Variants in GNAS observed in about 807,000 individuals in gnomAD.
The protein encoded by GNAS is protein ALEX.
A neutral mutation model predicts 54.5 loss-of-function variants in GNAS; 8 were observed. The observed-to-expected ratio is 0.15, with a 90% CI of 0.09 to 0.26. The LOEUF (loss-of-function observed/expected upper bound fraction) is 0.26, where lower values mean the gene tolerates loss of function less well. Among genes scored for constraint, GNAS ranks in the 10% least tolerant of loss-of-function variants. The probability of loss-of-function intolerance (pLI) is 1.00; values close to 1 mark genes in which losing one functional copy is unlikely to be tolerated. For missense variants in GNAS, 170 were observed against 529.8 expected (o/e 0.32, Z 6.67); for synonymous variants, 204 against 191.4 (o/e 1.07, Z -0.54).
chr20:58,900,234 G>A (rs568323617), intron 3 of GNAS: 12 of 522,650 alleles, frequency 2.3e-5, no homozygotes, highest in African/African-American at 1.7e-4. Context: ...ACCAAAAGTT[G>A]GCATTTGAGC....
In GNAS at chr20:58,856,781, G is replaced by C. The variant is rs1208888321; in HGVS notation, c.43+15895G>C. On this transcript the variant is annotated intron_variant, in intron 1 of 12. Transcript: ENST00000306090. The surrounding 1 kb of genome is among the most constrained non-coding windows in gnomAD (Gnocchi z 4.2). ...ATTCTTGTCAGGAGGGTATTTTGGTGGCCTTCTACCTTCCCCCTCCTCCTC... is the reference window on the plus strand; with the variant it reads ...ATTCTTGTCAGGAGGGTATTTTGGTCGCCTTCTACCTTCCCCCTCCTCCTC... 1 of 151,930 alleles carries C rather than the reference G, an allele frequency of 6.6e-6. No homozygotes were observed. The highest frequency in any genetic ancestry group is 2.4e-5 in the African/African-American group (1 of 41,294). The allele number at this position is 151,930 out of a possible 1,614,324, so 9.4% of individuals were successfully genotyped here. A position where few individuals can be genotyped will look rare whatever the true frequency, so the allele number is the denominator to read the frequency against.
intron 3 of GNAS, among the ~76,000 whole-genome samples, chr20:58,901,902 C>G (rs1201487174): frequency 6.9e-6 from 1 of 143,970 alleles, no homozygotes; most frequent in Non-Finnish European, 1.5e-5. Flanking sequence ...TCTGCTCTTG[C>G]TAATTAACCT....
At chr20:58,893,465 T>C (rs185415178) in intron 1 of GNAS, among the ~76,000 whole-genome samples, 1 of 152,236 alleles carries the variant, frequency 6.6e-6, no homozygotes, top group Non-Finnish European at 1.5e-5. Flanking sequence ...CGTGGTCACA[T>C]TTCAACAAAA....
At chr20:58,889,086 G>C, upstream of GNAS, 1 of 1,040,412 alleles carries the variant, frequency 9.6e-7, no homozygotes, top group Non-Finnish European at 1.2e-6. Context: ...CTTCCCCTTC[G>C]GTTTATAGGG....
At chr20:58,847,973 C>T (rs557967402) in intron 1 of GNAS, among the ~76,000 whole-genome samples, 41 of 152,332 alleles carry the variant, frequency 2.7e-4, no homozygotes, top group Admixed American at 7.8e-4. Flanking sequence ...GCATCACGTG[C>T]GGCTTCCAAG....
chr20:58,850,707 A>G (rs2086125130), intron 1 of GNAS: 1 of 398,808 alleles, frequency 2.5e-6, no homozygotes, highest in Non-Finnish European at 4.4e-6. Context: ...GCCTGCCGCC[A>G]TCAACACACC....
rs949416642 is a variant in GNAS at position 58,853,113 on chromosome 20, C to T, written c.43+12227C>T. 6 of 1,426,354 alleles carry T rather than the reference C, an allele frequency of 4.2e-6. No homozygotes were observed. In the African/African-American group the frequency reaches 5.8e-5, roughly 14 times the overall value. The allele number at this position is 1,426,354 out of a possible 1,614,324, so 88.4% of individuals were successfully genotyped here. On this transcript the variant is annotated intron_variant, in intron 1 of 12. Coordinates refer to the GNAS transcript ENST00000306090. This position sits in a 1 kb window ranked among gnomAD's most constrained non-coding sequence, Gnocchi z 4.4. ...TAGGGTTCCTTCCAGGCCTTGAACCCCCCAACCTCACAAGGGTTGGAAAGT... is the reference window on the plus strand; with the variant it reads ...TAGGGTTCCTTCCAGGCCTTGAACCTCCCAACCTCACAAGGGTTGGAAAGT...
chr20:58,884,695 T>C (rs777918811), intron 1 of GNAS: 1 of 152,258 alleles, frequency 6.6e-6, no homozygotes, highest in Non-Finnish European at 1.5e-5. Context: ...TTAGTCCTCA[T>C]GAAAATTTTT....
intron 6 of GNAS, among the ~76,000 whole-genome samples, chr20:58,907,995 G>A (rs2091197005): frequency 6.6e-6 from 1 of 152,218 alleles, no homozygotes; most frequent in African/African-American, 2.4e-5. Flanking sequence ...ATGGTAACAT[G>A]CTGGAGGCCA....
chr20:58,851,601 C>T (rs1384502376), intron 1 of GNAS, among the ~76,000 whole-genome samples: 1 of 152,226 alleles, frequency 6.6e-6, no homozygotes, highest in Non-Finnish European at 1.5e-5. Flanking sequence ...GACCCCAGAC[C>T]AGAGCATAGC....
At chr20:58,895,540 C>T (rs1337217864) in intron 1 of GNAS, 72 bp from the exon 2 acceptor site, 15 of 910,400 alleles carry the variant, frequency 1.6e-5, no homozygotes, top group Admixed American at 3.5e-5. Context: ...AACAAAACAA[C>T]AACAGCAGAC....
At chr20:58,906,238 A>T (rs1203837940) in intron 6 of GNAS, among the ~76,000 whole-genome samples, 1 of 152,230 alleles carries the variant, frequency 6.6e-6, no homozygotes, top group Non-Finnish European at 1.5e-5. Context: ...AAAGTCACTC[A>T]TAAAGGTGGG....
At chr20:58,877,752 C>A (rs892257481) in intron 1 of GNAS, among the ~76,000 whole-genome samples, 2 of 152,246 alleles carry the variant, frequency 1.3e-5, no homozygotes, top group Non-Finnish European at 2.9e-5. Context: ...ACTGACTTCC[C>A]ACCTCCCGGC....
At chr20:58,900,793 A>T (rs1400229924) in intron 3 of GNAS, among the ~76,000 whole-genome samples, 1 of 152,192 alleles carries the variant, frequency 6.6e-6, no homozygotes, top group Admixed American at 6.5e-5. Flanking sequence ...CCCCAGTATA[A>T]TATCTCCATC....
chr20:58,841,562 G>A lies in GNAS; in HGVS notation c.43+676G>A, dbSNP rs1391596593. 4.0e-6 allele frequency: 4 copies of A among 999,172 alleles called. No individual in the cohort carries two copies. Among genetic ancestry groups the A allele is most frequent in the East Asian group, 2.1e-4 (2 of 9,678 alleles). 61.9% of individuals were successfully genotyped at this position (999,172 alleles called of 1,614,324 possible). ...GCGCCAGCCTTGGCCGCCACAGCCC[G>A]CCTCCCGTCGCTCGCGGGACAGAGA... On this transcript the variant is annotated intron_variant, in intron 1 of 12. Coordinates refer to the GNAS transcript ENST00000306090. The surrounding 1 kb of genome is among the most constrained non-coding windows in gnomAD (Gnocchi z 5.0).
At chr20:58,894,350 G>T (rs551954345) in intron 1 of GNAS, among the ~76,000 whole-genome samples, 1 of 152,246 alleles carries the variant, frequency 6.6e-6, no homozygotes, top group South Asian at 2.1e-4. Context: ...TAATTTACCA[G>T]AGTTAGGCTC....
intron 1 of GNAS, among the ~76,000 whole-genome samples, chr20:58,871,637 CA>C (rs56281960): frequency 6.8e-5 from 4 of 58,596 alleles, no homozygotes; most frequent in Admixed American, 2.3e-4. Context: ...AAACAAACAA[CA>C]AAAAAAAAAC....
At chr20:58,840,555 C>A (rs1277175163), upstream of GNAS, 9 of 1,613,144 alleles carry the variant, frequency 5.6e-6, no homozygotes, top group Non-Finnish European at 7.6e-6. The surrounding 1 kb of genome is among the most constrained non-coding windows in gnomAD (Gnocchi z 6.0). Flanking sequence ...CCGGTGGTGC[C>A]CAAGCACTCC....
At position 58,910,293 on chromosome 20, in the gene GNAS, G is replaced by A. The variant is rs1383488917; in HGVS notation, c.971-41G>A. The A allele has an allele frequency of 2.0e-6, 3 of 1,490,220 alleles. No individual in the cohort carries two copies. Among genetic ancestry groups the A allele is most frequent in the South Asian group, 2.3e-5 (2 of 88,584 alleles). The allele number at this position is 1,490,220 out of a possible 1,614,324, so 92.3% of individuals were successfully genotyped here. On this transcript the variant is annotated intron_variant, in intron 11 of 12. Coordinates refer to ENST00000371085, the MANE Select transcript of GNAS (RefSeq NM_000516.7). This position sits in a 1 kb window ranked among gnomAD's most constrained non-coding sequence, Gnocchi z 5.8. ...AGATGCTAGCACCCCAGCTCTGCTT[G>A]AATTTTAAATTACATTAATATGTAT...
Sources: gnomAD v4.1 joint callset for allele counts (sites outside exome capture counted in the v4.1 genomes callset) on GRCh38, gnomAD v4.1.1 for gene constraint, Gnocchi (gnomAD v3.1) non-coding constraint, MANE v1.5 for transcripts, NCBI Gene and HGNC (gene_info 2026-07-23, HGNC 2026-07-21) for gene names.